Variants in GABRG3 observed in about 807,000 individuals in gnomAD.
GABRG3 encodes gamma-aminobutyric acid type A receptor subunit gamma3.
A neutral mutation model predicts 48.8 loss-of-function variants in GABRG3; 25 were observed. The observed-to-expected ratio is 0.51, with a 90% CI of 0.37 to 0.72. The LOEUF (loss-of-function observed/expected upper bound fraction) is 0.72. GABRG3 is among the 30% of genes least tolerant of loss of function. The pLI is 0.00. For synonymous variants in GABRG3, 227 were observed against 217.6 expected, an observed-to-expected ratio of 1.04 and a Z score of -0.38; for missense variants, 394 against 577.9, an observed-to-expected ratio of 0.68 and a Z score of 3.26.
At chr15:27,035,114 C>G (rs976307356) in intron 3 of GABRG3, among the ~76,000 whole-genome samples, 11 of 152,162 alleles carry the variant, frequency 7.2e-5, no homozygotes, top group Non-Finnish European at 1.6e-4. Context: ...TGTCTCCATC[C>G]CTGGAAGAAG....
intron 5 of GABRG3, among the ~76,000 whole-genome samples, chr15:27,336,795 CT>C (rs1267858441): frequency 6.6e-6 from 1 of 152,192 alleles, no homozygotes; most frequent in Non-Finnish European, 1.5e-5. Flanking sequence ...GTTAAGCAAA[CT>C]GTTGGTACAT....
chr15:27,155,767 G>T (rs904106210), intron 3 of GABRG3, among the ~76,000 whole-genome samples: 6 of 152,098 alleles, frequency 3.9e-5, no homozygotes, highest in African/African-American at 1.4e-4. Context: ...ACAAGTACCT[G>T]CTTCCACGTG....
intron 2 of GABRG3, among the ~76,000 whole-genome samples, chr15:27,024,690 C>T (rs1895953344): frequency 6.6e-6 from 1 of 152,164 alleles, no homozygotes; most frequent in Non-Finnish European, 1.5e-5. Context: ...ACTGTCAGAG[C>T]CACTATTCTA....
At chr15:27,001,108 C>A (rs749662296) in intron 2 of GABRG3, among the ~76,000 whole-genome samples, 5 of 152,232 alleles carry the variant, frequency 3.3e-5, no homozygotes, top group Non-Finnish European at 7.3e-5. Flanking sequence ...TAAGCTGGGG[C>A]AATTCTAGGG....
chr15:27,414,844 A>G (rs924152358), intron 5 of GABRG3, among the ~76,000 whole-genome samples: 1 of 152,168 alleles, frequency 6.6e-6, no homozygotes, highest in African/African-American at 2.4e-5. Flanking sequence ...CTGCCCTCCT[A>G]GCTCTCTAAA....
chr15:27,172,830 G>C (rs992215564), intron 3 of GABRG3, among the ~76,000 whole-genome samples: 3 of 152,048 alleles, frequency 2.0e-5, no homozygotes, highest in Non-Finnish European at 4.4e-5. Flanking sequence ...CTCAACTTTT[G>C]AGAAGGGCCC....
At chr15:27,368,330 C>T (rs910122380) in intron 5 of GABRG3, among the ~76,000 whole-genome samples, 1 of 152,160 alleles carries the variant, frequency 6.6e-6, no homozygotes, top group Non-Finnish European at 1.5e-5. Context: ...CGCACACATA[C>T]ATGCACTCAC....
chr15:27,026,945 G>T, intron 3 of GABRG3, 124 bp downstream of exon 3: 1 of 568,842 alleles, frequency 1.8e-6, no homozygotes, highest in South Asian at 3.4e-5. Flanking sequence ...TCTTAAATCT[G>T]TAACACTTAT....
chr15:27,267,247 C>A (rs1450375291), intron 3 of GABRG3, among the ~76,000 whole-genome samples: 2 of 151,624 alleles, frequency 1.3e-5, no homozygotes, highest in Non-Finnish European at 2.9e-5. Flanking sequence ...GCTGAGATTG[C>A]AGGCATGCCC....
intron 5 of GABRG3, among the ~76,000 whole-genome samples, chr15:27,361,290 C>T (rs868016987): frequency 6.6e-6 from 1 of 152,148 alleles, no homozygotes; most frequent in African/African-American, 2.4e-5. Context: ...AAGTGACCCA[C>T]CATAACACAT....
chr15:27,444,436 T>C (rs536335028), intron 5 of GABRG3, among the ~76,000 whole-genome samples: 140 of 152,308 alleles, frequency 9.2e-4, no homozygotes, highest in African/African-American at 3.2e-3. Flanking sequence ...GTAATGCTAA[T>C]ATGGGTACAC....
chr15:27,099,928 C>T (rs1435262772), intron 3 of GABRG3, among the ~76,000 whole-genome samples: 1 of 152,016 alleles, frequency 6.6e-6, no homozygotes, highest in African/African-American at 2.4e-5. Flanking sequence ...TTCTAAAAAT[C>T]AGAATTGGCC....
At chr15:27,484,458 A>G (rs1213979870) in intron 6 of GABRG3, among the ~76,000 whole-genome samples, 2 of 152,196 alleles carry the variant, frequency 1.3e-5, no homozygotes, top group Admixed American at 1.3e-4. Context: ...TTATTAATTA[A>G]AAAGAAGCTA....
intron 3 of GABRG3, among the ~76,000 whole-genome samples, chr15:27,250,615 C>T (rs539394722): frequency 3.8e-4 from 58 of 152,222 alleles, no homozygotes; most frequent in Middle Eastern, 6.8e-3. Context: ...CTAGTAGAGA[C>T]GGGGTTTCAC....
intron 3 of GABRG3, among the ~76,000 whole-genome samples, chr15:27,199,493 G>A (rs1888612467): frequency 6.6e-6 from 1 of 152,062 alleles, no homozygotes; most frequent in Non-Finnish European, 1.5e-5. Flanking sequence ...GATCGCCAGG[G>A]GCCTCGTCAG....
chr15:27,337,134 C>T (rs1450667556), intron 5 of GABRG3, among the ~76,000 whole-genome samples: 5 of 152,206 alleles, frequency 3.3e-5, no homozygotes. Flanking sequence ...GCTTCTCTTT[C>T]AAACTTGCAG....
chr15:27,048,028 A>G (rs1190689046), intron 3 of GABRG3, among the ~76,000 whole-genome samples: 3 of 152,230 alleles, frequency 2.0e-5, no homozygotes, highest in Admixed American at 2.0e-4. Context: ...CAGGCAAGGT[A>G]CAACACAGAT....
At chr15:27,336,629 A>G (rs547054156) in intron 5 of GABRG3, among the ~76,000 whole-genome samples, 24 of 152,346 alleles carry the variant, frequency 1.6e-4, no homozygotes, top group Middle Eastern at 3.4e-3. Flanking sequence ...CTAAAACTGT[A>G]CTTACCATAT....
chr15:27,464,412 A>G (rs1889541034), intron 5 of GABRG3, among the ~76,000 whole-genome samples: 1 of 152,074 alleles, frequency 6.6e-6, no homozygotes. Flanking sequence ...GGTTATTTCC[A>G]CTTTTTGGCT....
Sources: allele counts gnomAD v4.1 joint callset (sites outside exome capture counted in the v4.1 genomes callset), GRCh38; gene constraint gnomAD v4.1.1; transcripts MANE v1.5; gene names NCBI Gene and HGNC (gene_info 2026-07-23, HGNC 2026-07-21).